The following NAV2 variants were observed in gnomAD, a reference collection of about 807,000 sequenced individuals.
NAV2 encodes the protein neuron navigator 2.
A neutral mutation model predicts 223.2 loss-of-function variants in NAV2; 54 were observed. The observed-to-expected ratio is 0.24, with a 90% CI of 0.19 to 0.30. NAV2 has a LOEUF of 0.30. NAV2 is among the 10% of genes least tolerant of loss of function. The pLI is 1.00. For missense variants in NAV2, 2,806 were observed against 3,147.5 expected (o/e 0.89, Z 2.60); for synonymous variants, 1,279 against 1,239.3 (o/e 1.03, Z -0.67).
intron 1 of NAV2, among the ~76,000 whole-genome samples, chr11:19,630,506 G>A (rs1368438523): frequency 1.3e-5 from 2 of 152,198 alleles, no homozygotes; most frequent in East Asian, 3.8e-4. Context: ...GAAGACAATT[G>A]TTAATGAGCA....
At chr11:19,906,785 A>G (rs72911241) in intron 6 of NAV2, among the ~76,000 whole-genome samples, 459 of 152,300 alleles carry the variant, frequency 3.0e-3, no homozygotes, top group Non-Finnish European at 5.2e-3. Flanking sequence ...GAAGGTAGGA[A>G]CCAGCTGTTA....
intron 31 of NAV2, among the ~76,000 whole-genome samples, chr11:20,099,816 G>A (rs2061505530): frequency 6.6e-6 from 1 of 152,056 alleles, no homozygotes; most frequent in African/African-American, 2.4e-5. Context: ...CAGAGAGGGT[G>A]TTCTAGTGGT....
At chr11:19,685,300 A>G (rs981960971) in intron 1 of NAV2, among the ~76,000 whole-genome samples, 6 of 152,186 alleles carry the variant, frequency 3.9e-5, no homozygotes, top group African/African-American at 1.4e-4. Context: ...TGCCCATGAT[A>G]TCATCCATCA....
At chr11:20,080,296 C>A in intron 25 of NAV2, 87 bp downstream of exon 25, 1 of 1,281,710 alleles carries the variant, frequency 7.8e-7, no homozygotes. Flanking sequence ...AAGTCCAGCC[C>A]AGCTACTATC....
chr11:19,684,022 A>G (rs1427329339), intron 1 of NAV2, among the ~76,000 whole-genome samples: 1 of 152,182 alleles, frequency 6.6e-6, no homozygotes, highest in Non-Finnish European at 1.5e-5. Flanking sequence ...AATTGAGGTG[A>G]ACAATCCATG....
At chr11:19,607,113 G>A (rs1209935673) in intron 1 of NAV2, among the ~76,000 whole-genome samples, 1 of 152,214 alleles carries the variant, frequency 6.6e-6, no homozygotes, top group African/African-American at 2.4e-5. Flanking sequence ...TGGTTACAGG[G>A]CCGCTCTCAG....
intron 1 of NAV2, among the ~76,000 whole-genome samples, chr11:19,808,048 G>A (rs912937986): frequency 4.6e-5 from 7 of 152,180 alleles, no homozygotes; most frequent in Admixed American, 1.3e-4. Flanking sequence ...CTGGCTATGC[G>A]TCCTTAAGCA....
At chr11:20,080,589 T>C (rs1208277069) in intron 25 of NAV2, among the ~76,000 whole-genome samples, 3 of 152,168 alleles carry the variant, frequency 2.0e-5, no homozygotes, top group African/African-American at 7.2e-5. Flanking sequence ...AGCATATTGC[T>C]AGTTATCCCA....
intron 1 of NAV2, among the ~76,000 whole-genome samples, chr11:19,748,048 T>C (rs1405974756): frequency 6.6e-6 from 1 of 152,182 alleles, no homozygotes; most frequent in Non-Finnish European, 1.5e-5. Context: ...AGTGAGACCT[T>C]GTCCAGGCTT....
intron 3 of NAV2, among the ~76,000 whole-genome samples, chr11:19,854,030 G>A (rs184713864): frequency 5.9e-5 from 9 of 152,302 alleles, no homozygotes; most frequent in Admixed American, 3.9e-4. Context: ...GACCGAGGTT[G>A]GGGCTGGGGG....
At position 19,713,813 on chromosome 11, in the gene NAV2, A is replaced by C; in HGVS notation, c.118A>C (p.Lys40Gln). ...GGCGGGCCCCCAGCCCTGCTACCTG[A>C]AGTTGGGAAGCAAGGTGGAGGTGAG... is the stretch of plus-strand genomic sequence containing the variant. Reference protein sequence around the residue: ...ARAGPQPCYLKLGSKVEVSKT... With the variant: ...ARAGPQPCYLQLGSKVEVSKT... The change falls in exon 1 of 38, where the codon AAG becomes CAG. Residue 40 changes from lysine to glutamine, a missense_variant. This residue lies in a region of NAV2 where 1,167 missense variants were observed against 1,180.5 expected (regional missense o/e 0.99). Coordinates refer to ENST00000349880, the MANE Select transcript of NAV2 (RefSeq NM_145117.5). The surrounding 1 kb of genome is among the most constrained non-coding windows in gnomAD (Gnocchi z 7.2). The C allele has an allele frequency of 6.2e-7, 1 of 1,613,088 alleles. No individual in the cohort carries two copies. The highest frequency in any genetic ancestry group is 8.5e-7 in the Non-Finnish European group (1 of 1,179,776).
intron 11 of NAV2, among the ~76,000 whole-genome samples, chr11:20,019,911 T>C (rs2153529887): frequency 6.6e-6 from 1 of 151,900 alleles, no homozygotes; most frequent in Non-Finnish European, 1.5e-5. Flanking sequence ...AACAAACATC[T>C]TGCCTGGTGG....
At chr11:20,048,057 T>G (rs1365737119) in intron 14 of NAV2, among the ~76,000 whole-genome samples, 2 of 152,196 alleles carry the variant, frequency 1.3e-5, no homozygotes, top group Non-Finnish European at 2.9e-5. Context: ...TGTGTGTCTG[T>G]CACAGAGACA....
intron 16 of NAV2, among the ~76,000 whole-genome samples, chr11:20,050,929 G>A (rs1245193977): frequency 1.3e-5 from 2 of 152,372 alleles, no homozygotes; most frequent in Middle Eastern, 3.4e-3. Flanking sequence ...CTGAGAAGCC[G>A]TGTTGGTGCA....
At position 20,048,873 on chromosome 11, in the gene NAV2, G is replaced by A. The variant is rs1402169656; in HGVS notation, c.4048G>A (p.Gly1350Arg). 1 of 1,614,026 alleles carries A rather than the reference G, an allele frequency of 6.2e-7. No individual in the cohort carries two copies. Among genetic ancestry groups the A allele is most frequent in the Non-Finnish European group, 8.5e-7 (1 of 1,180,040 alleles). ...GTCAGGCAGTGGCGTCCTGAGCAGTGGGAGCAGCAGTCCTCTCTACAGCAA... is the reference window on the plus strand; with the variant it reads ...GTCAGGCAGTGGCGTCCTGAGCAGTAGGAGCAGCAGTCCTCTCTACAGCAA... Reference protein sequence around the residue: ...SPSGSGVLSSGSSSPLYSKNV... With the variant: ...SPSGSGVLSSRSSSPLYSKNV... Residue 1350 changes from glycine to arginine, a missense_variant, in exon 15 of 38, where the codon GGG becomes AGG. Physicochemically the swap from Gly to Arg is moderately radical, Grantham distance 125 (BLOSUM62 -2). This residue lies in a region of NAV2 where 742 missense variants were observed against 777.9 expected (regional missense o/e 0.95). Coordinates refer to ENST00000349880, the MANE Select transcript of NAV2 (RefSeq NM_145117.5).
intron 6 of NAV2, among the ~76,000 whole-genome samples, chr11:19,907,536 G>C (rs1323595519): frequency 6.6e-6 from 1 of 152,004 alleles, no homozygotes; most frequent in Non-Finnish European, 1.5e-5. Context: ...GGGGGAGGGG[G>C]AATTTGAGAC....
At chr11:19,705,496 C>A (rs913472018) in intron 1 of NAV2, among the ~76,000 whole-genome samples, 4 of 152,298 alleles carry the variant, frequency 2.6e-5, no homozygotes, top group South Asian at 2.1e-4. Flanking sequence ...CCCTGTCTGT[C>A]CAGGATTCTG....
At chr11:19,422,829 T>C (rs1850672310) in intron 1 of NAV2, among the ~76,000 whole-genome samples, 1 of 152,218 alleles carries the variant, frequency 6.6e-6, no homozygotes, top group Admixed American at 6.5e-5. Context: ...CTTCTGCCAT[T>C]CATTGATCCA....
chr11:19,860,151 C>T (rs1403847823), intron 3 of NAV2, among the ~76,000 whole-genome samples: 23 of 143,678 alleles, frequency 1.6e-4, no homozygotes, highest in African/African-American at 4.5e-4. Flanking sequence ...CCGGACGGGG[C>T]GGCTGGCCAG....
Sources: gnomAD v4.1 joint callset for allele counts (sites outside exome capture counted in the v4.1 genomes callset) on GRCh38, gnomAD v4.1.1 for gene constraint, gnomAD v4.1.1 regional missense constraint, Gnocchi (gnomAD v3.1) non-coding constraint, MANE v1.5 for transcripts, NCBI Gene and HGNC (gene_info 2026-07-23, HGNC 2026-07-21) for gene names.